Variants in CDKAL1 observed in about 807,000 individuals in gnomAD.
The protein encoded by CDKAL1 is CDKAL1 threonylcarbamoyladenosine tRNA methylthiotransferase.
CDKAL1 carries 32 observed loss-of-function variants against 68.2 expected under a neutral mutation model. That is an observed-to-expected ratio of 0.47 (90% CI 0.35 to 0.63). CDKAL1 has a LOEUF of 0.63. Ranked by LOEUF, CDKAL1 falls within the 30% of genes least tolerant of loss-of-function variation. The pLI is 0.00. For synonymous variants in CDKAL1, 234 were observed against 244.3 expected (o/e 0.96, Z 0.39); for missense variants, 606 against 696.7 (o/e 0.87, Z 1.47).
chr6:21,112,904 C>T (rs976114457), intron 13 of CDKAL1, among the ~76,000 whole-genome samples: 2 of 152,198 alleles, frequency 1.3e-5, no homozygotes, highest in African/African-American at 2.4e-5. Context: ...GGTCCCTCAT[C>T]CACAAACAGT....
chr6:20,978,134 C>T (rs796211494), intron 10 of CDKAL1, among the ~76,000 whole-genome samples: 10 of 152,274 alleles, frequency 6.6e-5, no homozygotes, highest in African/African-American at 2.4e-4. Context: ...GGTTTTGTAA[C>T]GTATCACAGA....
intron 9 of CDKAL1, among the ~76,000 whole-genome samples, chr6:20,877,143 A>G (rs905408363): frequency 3.3e-5 from 5 of 152,206 alleles, no homozygotes; most frequent in Admixed American, 6.5e-5. Flanking sequence ...TTGTGATGGG[A>G]AAGACTTTTG....
intron 8 of CDKAL1, among the ~76,000 whole-genome samples, chr6:20,794,654 T>C (rs908184846): frequency 7.2e-5 from 11 of 152,066 alleles, no homozygotes; most frequent in Admixed American, 5.9e-4. Context: ...AGAAAGGATT[T>C]TAGAGATTTA....
At chr6:20,718,830 A>G (rs1358747534) in intron 5 of CDKAL1, among the ~76,000 whole-genome samples, 1 of 151,888 alleles carries the variant, frequency 6.6e-6, no homozygotes, top group African/African-American at 2.4e-5. Context: ...TTTATAATTA[A>G]AAAAAACTTC....
In CDKAL1 at chr6:20,723,593, G is replaced by A. The variant is rs115930786; in HGVS notation, c.372-15926G>A. The A allele has an allele frequency of 3.3e-3, 670 of 200,106 alleles. 7 individuals carry two copies. The highest frequency in any genetic ancestry group is 0.015 in the African/African-American group (635 of 42,956). The allele number at this position is 200,106 out of a possible 1,614,324, so 12.4% of individuals were successfully genotyped here. On this transcript the variant is annotated intron_variant, in intron 5 of 15. Transcript: ENST00000274695. ...TGCTCTTCTTGCACTGTGTCATTTT[G>A]TAGGGTTGGTGCTTGCCACACGCGT...
intron 8 of CDKAL1, among the ~76,000 whole-genome samples, chr6:20,825,330 T>G (rs767673887): frequency 7.4e-6 from 1 of 135,302 alleles, no homozygotes; most frequent in South Asian, 2.5e-4. Context: ...TTTGCCTTAG[T>G]AACCTGAAGT....
chr6:20,739,584 A>G lies in CDKAL1; in HGVS notation c.437A>G (p.Gln146Arg). 1 of 1,612,780 alleles carries G rather than the reference A, an allele frequency of 6.2e-7. No individual in the cohort carries two copies. Among genetic ancestry groups the G allele is most frequent in the Non-Finnish European group, 8.5e-7 (1 of 1,178,988 alleles). Residue 146 changes from glutamine (Q) to arginine (R), a missense_variant, in exon 6 of 16, where the codon CAG becomes CGG. By Grantham distance (43) the Gln-to-Arg change is conservative. Transcript: ENST00000274695. ...TGCGTTCCTCAAGCCCAGCCTCGCC[A>G]GGACTACCTTAAGGGACTGAGTATC... ...AGCVPQAQPRQDYLKGLSIIG... is the reference protein window; with the variant it reads ...AGCVPQAQPRRDYLKGLSIIG...
intron 9 of CDKAL1, among the ~76,000 whole-genome samples, chr6:20,869,218 T>G (rs1760065410): frequency 6.6e-6 from 1 of 152,204 alleles, no homozygotes; most frequent in South Asian, 2.1e-4. Context: ...ACAAATCATC[T>G]AATTGATTTT....
chr6:20,608,042 T>C (rs1454379779), intron 4 of CDKAL1, among the ~76,000 whole-genome samples: 2 of 152,200 alleles, frequency 1.3e-5, no homozygotes, highest in Non-Finnish European at 2.9e-5. Context: ...TACTTACATC[T>C]GAGTGTGTTC....
At chr6:20,804,396 A>G (rs542294583) in intron 8 of CDKAL1, among the ~76,000 whole-genome samples, 2 of 152,350 alleles carry the variant, frequency 1.3e-5, no homozygotes, top group South Asian at 4.1e-4. Flanking sequence ...TCAAGGATTA[A>G]CAAACTACAG....
At chr6:20,576,207 T>C (rs559623350) in intron 4 of CDKAL1, among the ~76,000 whole-genome samples, 3 of 152,356 alleles carry the variant, frequency 2.0e-5, no homozygotes, top group South Asian at 4.1e-4. Flanking sequence ...CATGTAAACA[T>C]GTTACACAGT....
At chr6:20,586,254 T>A (rs1359026876) in intron 4 of CDKAL1, among the ~76,000 whole-genome samples, 1 of 152,236 alleles carries the variant, frequency 6.6e-6, no homozygotes, top group African/African-American at 2.4e-5. Flanking sequence ...TTCCACACAG[T>A]GATCAGAGAT....
chr6:21,045,466 C>A (rs940302530), intron 11 of CDKAL1, among the ~76,000 whole-genome samples: 1 of 152,116 alleles, frequency 6.6e-6, no homozygotes, highest in African/African-American at 2.4e-5. Flanking sequence ...CTAGTTGTAC[C>A]TATTAACATT....
intron 5 of CDKAL1, among the ~76,000 whole-genome samples, chr6:20,709,135 T>C (rs76714632): frequency 2.0e-5 from 3 of 151,642 alleles, no homozygotes; most frequent in African/African-American, 2.4e-5. Flanking sequence ...AAAAAAAAAA[T>C]GAATAGAAAT....
At chr6:20,840,590 G>C (rs1778135771) in intron 8 of CDKAL1, among the ~76,000 whole-genome samples, 1 of 152,186 alleles carries the variant, frequency 6.6e-6, no homozygotes, top group Non-Finnish European at 1.5e-5. Flanking sequence ...TAGGCAAGAG[G>C]AGTTTTGGGC....
At chr6:20,955,337 C>G (rs555546310) in intron 9 of CDKAL1, 82 bp from the exon 10 acceptor site, 2 of 1,360,424 alleles carry the variant, frequency 1.5e-6, no homozygotes, top group African/African-American at 1.4e-5. Context: ...TTGAGAAATA[C>G]TGCATTAAAA....
chr6:20,579,460 A>G (rs958295762), intron 4 of CDKAL1, among the ~76,000 whole-genome samples: 1 of 152,310 alleles, frequency 6.6e-6, no homozygotes, highest in South Asian at 2.1e-4. Flanking sequence ...TTTTACATAT[A>G]GCTTTTGTTT....
chr6:20,747,763 T>G (rs887364110), intron 6 of CDKAL1, among the ~76,000 whole-genome samples: 1 of 152,228 alleles, frequency 6.6e-6, no homozygotes, highest in Non-Finnish European at 1.5e-5. Context: ...TGCAAATATT[T>G]TCTCCCAATC....
chr6:21,160,412 T>C (rs1293022952), intron 13 of CDKAL1, among the ~76,000 whole-genome samples: 4 of 151,648 alleles, frequency 2.6e-5, no homozygotes, highest in African/African-American at 4.8e-5. Flanking sequence ...ATTCTTCTGC[T>C]TCAGCCTCCT....
Sources: allele counts gnomAD v4.1 joint callset (sites outside exome capture counted in the v4.1 genomes callset), GRCh38; gene constraint gnomAD v4.1.1; transcripts MANE v1.5; gene names NCBI Gene and HGNC (gene_info 2026-07-23, HGNC 2026-07-21).